PDE4D: variants seen among roughly 807,000 people sequenced by gnomAD.
PDE4D encodes phosphodiesterase 4D, also known as 3',5'-cyclic-AMP phosphodiesterase 4D.
A neutral mutation model predicts 87.4 loss-of-function variants in PDE4D; 24 were observed. That is an observed-to-expected ratio of 0.27 (90% CI 0.20 to 0.39). PDE4D has a LOEUF of 0.39. PDE4D is among the 10% of genes least tolerant of loss of function. PDE4D has a pLI of 1.00. For missense variants in PDE4D, 714 were observed against 1,041.0 expected (o/e 0.69, Z 4.32); for synonymous variants, 384 against 383.2 (o/e 1.00, Z -0.02).
intron 3 of PDE4D, among the ~76,000 whole-genome samples, chr5:59,923,516 G>A (rs1405132343): frequency 1.3e-5 from 2 of 152,016 alleles, no homozygotes; most frequent in Non-Finnish European, 1.5e-5. Flanking sequence ...GACAGAGAGA[G>A]AGACAGACCC....
At chr5:59,428,882 G>A (rs964938694) in intron 1 of PDE4D, among the ~76,000 whole-genome samples, 9 of 152,082 alleles carry the variant, frequency 5.9e-5, no homozygotes, top group Non-Finnish European at 1.2e-4. Flanking sequence ...GTATTCTACT[G>A]AAAGAAAAGA....
At chr5:59,532,834 G>A (rs1380087830) in intron 1 of PDE4D, among the ~76,000 whole-genome samples, 2 of 152,148 alleles carry the variant, frequency 1.3e-5, no homozygotes, top group Non-Finnish European at 2.9e-5. Context: ...GCCCTAGACT[G>A]AGTGTAGCAT....
At chr5:59,479,489 A>G (rs754314762) in intron 1 of PDE4D, among the ~76,000 whole-genome samples, 26 of 152,134 alleles carry the variant, frequency 1.7e-4, no homozygotes, top group Non-Finnish European at 2.9e-4. Flanking sequence ...AACCTGGATA[A>G]TAATTCCAAA....
At chr5:59,617,072 T>C (rs1221217770) in intron 1 of PDE4D, among the ~76,000 whole-genome samples, 1 of 151,692 alleles carries the variant, frequency 6.6e-6, no homozygotes, top group Non-Finnish European at 1.5e-5. Flanking sequence ...CTTCTCTTCT[T>C]ATTTGCTATC....
chr5:60,108,157 A>G (rs1777237184), intron 2 of PDE4D, among the ~76,000 whole-genome samples: 1 of 151,918 alleles, frequency 6.6e-6, no homozygotes, highest in South Asian at 2.1e-4. Context: ...CAACTTCAGC[A>G]AAGTCTCAGG....
chr5:58,991,141 G>A (rs573684949), intron 8 of PDE4D, among the ~76,000 whole-genome samples: 2 of 152,204 alleles, frequency 1.3e-5, no homozygotes, highest in Admixed American at 1.3e-4. Flanking sequence ...AATTAGTCAG[G>A]TGTGGTGGTG....
chr5:59,467,276 G>C (rs564835113), intron 1 of PDE4D, among the ~76,000 whole-genome samples: 47 of 152,254 alleles, frequency 3.1e-4, no homozygotes, highest in Admixed American at 7.2e-4. Flanking sequence ...AATGATTTTA[G>C]GGCAGGAATA....
chr5:60,442,621 G>A lies in PDE4D; in HGVS notation c.-90+45321C>T, dbSNP rs182447020. 2.1e-3 allele frequency among the ~76,000 whole-genome samples: 321 copies of A among 152,038 alleles called. 1 individual carries two copies. Among genetic ancestry groups the A allele is most frequent in the African/African-American group, 7.5e-3 (310 of 41,480 alleles). ...AATAAATAGCCAATACAATATTAAA[G>A]GCCAAAAGTAAGGGTTTAGATAAGC... On this transcript the variant is annotated intron_variant, in intron 1 of 16. Coordinates refer to the PDE4D transcript ENST00000502484.
chr5:59,086,456 TCTC>T (rs1767696673), intron 5 of PDE4D, among the ~76,000 whole-genome samples: 1 of 152,172 alleles, frequency 6.6e-6, no homozygotes, highest in Admixed American at 6.5e-5. Flanking sequence ...TCTGCCTACT[TCTC>T]AGCCACTACT....
At chr5:60,460,005 A>G (rs1746798758) in intron 1 of PDE4D, 1 of 1,033,646 alleles carries the variant, frequency 9.7e-7, no homozygotes, top group African/African-American at 1.6e-5. Context: ...CATCATCCAT[A>G]TCGGGAACCA....
At chr5:59,920,255 C>G (rs989257957) in intron 3 of PDE4D, among the ~76,000 whole-genome samples, 1 of 152,054 alleles carries the variant, frequency 6.6e-6, no homozygotes, top group East Asian at 1.9e-4. Context: ...ATAAGAATAC[C>G]GAAATTATTA....
At chr5:60,359,182 T>G (rs1759857981) in intron 1 of PDE4D, among the ~76,000 whole-genome samples, 1 of 152,116 alleles carries the variant, frequency 6.6e-6, no homozygotes, top group South Asian at 2.1e-4. Context: ...CAAGGAGGGC[T>G]GATTGCTAGA....
At chr5:59,797,312 T>G (rs1766601491) in intron 1 of PDE4D, among the ~76,000 whole-genome samples, 1 of 152,178 alleles carries the variant, frequency 6.6e-6, no homozygotes, top group Non-Finnish European at 1.5e-5. Flanking sequence ...GTGAAGGAAA[T>G]GTACTGAATG....
chr5:59,038,843 CAG>C lies in PDE4D; in HGVS notation c.921+14_921+15del. ...AGCAGCCTGGGGGCACCAGTGACAG[CAG>C]AACCGGGGCTTACCTTGTTGGAGGC... On this transcript the variant is annotated intron_variant, in intron 6 of 14. Coordinates refer to ENST00000340635, the MANE Select transcript of PDE4D (RefSeq NM_001104631.2). 2 of 1,498,232 alleles carry C rather than the reference CAG, an allele frequency of 1.3e-6. No homozygotes were observed. Among genetic ancestry groups the C allele is most frequent in the Non-Finnish European group, 1.8e-6 (2 of 1,119,824 alleles). The allele number at this position is 1,498,232 out of a possible 1,614,324, so 92.8% of individuals were successfully genotyped here.
chr5:60,466,236 C>T (rs929122735), intron 1 of PDE4D, among the ~76,000 whole-genome samples: 5 of 152,152 alleles, frequency 3.3e-5, no homozygotes, highest in Non-Finnish European at 7.4e-5. Flanking sequence ...TGAGAGGTTA[C>T]TTACCCTCCT....
intron 1 of PDE4D, among the ~76,000 whole-genome samples, chr5:60,246,783 G>A (rs1175392253): frequency 1.3e-5 from 2 of 151,724 alleles, no homozygotes; most frequent in Non-Finnish European, 2.9e-5. Context: ...GGGGGATTTT[G>A]TTCTTATGTT....
chr5:58,974,930 C>T lies in PDE4D; in HGVS notation c.2164G>A (p.Asp722Asn), dbSNP rs1743336298. Reference protein sequence around the residue: ...IPQSPSPAPDDPEEGRQGQTE... With the variant: ...IPQSPSPAPDNPEEGRQGQTE... ...TGACCCTGCCGGCCCTCCTCTGGGT[C>T]ATCAGGTGCAGGAGAGGGGCTCTGA... is the stretch of plus-strand genomic sequence containing the variant. The change falls in exon 15 of 15, where the codon GAC (aspartate) becomes AAC (asparagine). Residue 722 changes from aspartate (D) to asparagine (N), a missense_variant. Asp to Asn is a conservative substitution (Grantham distance 23). Around this residue, in one of 7 missense-constraint regions of PDE4D, gnomAD observed 97 missense variants for 176.9 expected, o/e 0.55. Coordinates refer to ENST00000340635, the MANE Select transcript of PDE4D (RefSeq NM_001104631.2). The T allele has an allele frequency of 6.2e-7, 1 of 1,613,202 alleles. No homozygotes were observed. The highest frequency in any genetic ancestry group is 1.3e-5 in the African/African-American group (1 of 74,894).
At chr5:59,896,957 T>C (rs1375545949), upstream of PDE4D, among the ~76,000 whole-genome samples, 2 of 152,220 alleles carry the variant, frequency 1.3e-5, no homozygotes, top group Non-Finnish European at 2.9e-5. Context: ...CCTGCTTATA[T>C]GTTAAATAAA....
intron 1 of PDE4D, among the ~76,000 whole-genome samples, chr5:60,351,046 G>A (rs1232424161): frequency 6.6e-6 from 1 of 152,180 alleles, no homozygotes; most frequent in Non-Finnish European, 1.5e-5. Flanking sequence ...ATCTCACAGA[G>A]CTGAGCATGT....
Sources: allele counts gnomAD v4.1 joint callset (sites outside exome capture counted in the v4.1 genomes callset), GRCh38; gene constraint gnomAD v4.1.1; regional missense constraint gnomAD v4.1.1; transcripts MANE v1.5; gene names NCBI Gene and HGNC (gene_info 2026-07-23, HGNC 2026-07-21).